SEMA3C: variants seen among roughly 807,000 people sequenced by gnomAD.
SEMA3C encodes semaphorin-3C.
A neutral mutation model predicts 89.4 loss-of-function variants in SEMA3C; 47 were observed. That is an observed-to-expected ratio of 0.53 (90% CI 0.42 to 0.67). The LOEUF (loss-of-function observed/expected upper bound fraction) is 0.67, where lower values mean the gene tolerates loss of function less well. SEMA3C is among the 30% of genes least tolerant of loss of function. The pLI is 0.00. For synonymous variants in SEMA3C, 310 were observed against 320.2 expected, an observed-to-expected ratio of 0.97 and a Z score of 0.34; for missense variants, 839 against 929.1, an observed-to-expected ratio of 0.90 and a Z score of 1.26.
At chr7:80,800,897 G>A in intron 9 of SEMA3C, 71 bp from the exon 10 acceptor site, 1 of 964,214 alleles carries the variant, frequency 1.0e-6, no homozygotes, top group Non-Finnish European at 1.5e-6. Flanking sequence ...TTTACCCTAA[G>A]AAAATAATTT....
rs1378501249 is a variant in SEMA3C, at chr7:80,744,074, G to A, written c.*820C>T. The stretch of plus-strand genomic sequence containing the variant: ...TTGTTTAATTTGCCACACAGACTAG[G>A]GAATAAGAGAACAAACAGTAATAAC... On this transcript the variant is annotated 3_prime_UTR_variant, in exon 18 of 18. Transcript: ENST00000265361. 1 of 151,844 alleles carries A rather than the reference G, an allele frequency of 6.6e-6. No individual in the cohort carries two copies. Among genetic ancestry groups the A allele is most frequent in the Non-Finnish European group, 1.5e-5 (1 of 67,930 alleles). 9.4% of individuals were successfully genotyped at this position (151,844 alleles called of 1,614,324 possible). A position where few individuals can be genotyped will look rare whatever the true frequency, so the allele number is the denominator to read the frequency against.
At position 80,817,757 on chromosome 7, in the gene SEMA3C, A is replaced by C. The variant is rs1361298391; in HGVS notation, c.447+542T>G. On this transcript the variant is annotated intron_variant, in intron 5 of 17. Coordinates refer to ENST00000265361, the MANE Select transcript of SEMA3C (RefSeq NM_006379.5). ...GTCTAAGATAAAAGTATGATTTGTT[A>C]ATTACATCAAGTTCTTTTCAGCAGA... Among the ~76,000 whole-genome samples, 5 of 152,278 alleles carry C rather than the reference A, an allele frequency of 3.3e-5. No individual in the cohort carries two copies. In the South Asian group the frequency reaches 1.0e-3, roughly 32 times the overall value.
intron 10 of SEMA3C, 47 bp downstream of exon 10, chr7:80,800,710 A>T (rs1158285813): frequency 2.7e-6 from 3 of 1,127,282 alleles, no homozygotes. Context: ...CTGTTACTCC[A>T]TGAAGTTTAT....
chr7:80,875,767 C>T (rs1009351808), intron 2 of SEMA3C, among the ~76,000 whole-genome samples: 3 of 151,318 alleles, frequency 2.0e-5, no homozygotes, highest in Non-Finnish European at 4.4e-5. Flanking sequence ...AATAATGGCC[C>T]CAAAGTGCAA....
At chr7:80,911,746 G>A (rs1792155812) in intron 2 of SEMA3C, among the ~76,000 whole-genome samples, 1 of 151,486 alleles carries the variant, frequency 6.6e-6, no homozygotes, top group East Asian at 1.9e-4. Flanking sequence ...CCATTCTCCT[G>A]CCTCAGCCTC....
chr7:80,899,871 C>A (rs916788321), intron 2 of SEMA3C, among the ~76,000 whole-genome samples: 1 of 152,274 alleles, frequency 6.6e-6, no homozygotes, highest in South Asian at 2.1e-4. Context: ...TTTTCTACTT[C>A]TATATTAATA....
At chr7:80,844,197 A>G (rs912895409) in intron 2 of SEMA3C, among the ~76,000 whole-genome samples, 7 of 152,144 alleles carry the variant, frequency 4.6e-5, no homozygotes, top group African/African-American at 1.7e-4. Context: ...TTTAATGCAC[A>G]TACGAAATAT....
rs759095113 is a variant in SEMA3C, at chr7:80,818,307, T to G, written c.439A>C (p.Arg147=). 5.6e-6 allele frequency: 9 copies of G among 1,606,500 alleles called. No homozygotes were observed. Among genetic ancestry groups the G allele is most frequent in the Non-Finnish European group, 7.7e-6 (9 of 1,174,358 alleles). ...PVCTYLNRGR[R]SEDQVFMIDS... is the part of the protein sequence containing the mutation. ...TAAATAGTTATACTTACCTCTGATCTCCTCCCTCTGTTCAAGTAAGTACAG... is the reference window on the plus strand; with the variant it reads ...TAAATAGTTATACTTACCTCTGATCGCCTCCCTCTGTTCAAGTAAGTACAG... The change falls in exon 5 of 18, where the codon AGA becomes CGA. Residue 147 remains arginine (R), a synonymous_variant. Transcript: ENST00000265361.
rs144112912 is a variant in SEMA3C, at chr7:80,752,462, T to C, written c.1644-1126A>G. 1.0e-3 allele frequency among the ~76,000 whole-genome samples: 152 copies of C among 151,926 alleles called. 2 individuals are homozygous for C. The Middle Eastern group carries it at 0.044, about 44-fold the overall frequency. Reference sequence around the variant, plus strand: ...CCGTCTCTACTAAAAATACAAAAATTAGCTGGGCATGGTGGTGCATGGTAG... The same window carrying C: ...CCGTCTCTACTAAAAATACAAAAATCAGCTGGGCATGGTGGTGCATGGTAG... On this transcript the variant is annotated intron_variant, in intron 15 of 17. Coordinates refer to ENST00000265361, the MANE Select transcript of SEMA3C (RefSeq NM_006379.5).
chr7:80,846,622 T>C (rs1790397500), intron 2 of SEMA3C, among the ~76,000 whole-genome samples: 1 of 152,154 alleles, frequency 6.6e-6, no homozygotes, highest in South Asian at 2.1e-4. Flanking sequence ...TGAGCCACCG[T>C]GCCCAGCCCC....
At chr7:80,768,823 T>A (rs937500346) in intron 12 of SEMA3C, among the ~76,000 whole-genome samples, 2 of 152,140 alleles carry the variant, frequency 1.3e-5, no homozygotes, top group African/African-American at 4.8e-5. Flanking sequence ...ACCACAGGCA[T>A]GTGTGTGCAT....
At chr7:80,802,172 G>C (rs1789224986) in intron 9 of SEMA3C, among the ~76,000 whole-genome samples, 1 of 151,968 alleles carries the variant, frequency 6.6e-6, no homozygotes, top group African/African-American at 2.4e-5. Flanking sequence ...GTCACATTGA[G>C]AATATCTAAT....
At chr7:80,870,323 C>A (rs924393655) in intron 2 of SEMA3C, among the ~76,000 whole-genome samples, 1 of 148,114 alleles carries the variant, frequency 6.8e-6, no homozygotes, top group South Asian at 2.1e-4. Context: ...ATTAACCATA[C>A]TGACTTTTTA....
intron 9 of SEMA3C, 135 bp from the exon 10 acceptor site, chr7:80,800,961 G>A: frequency 2.2e-6 from 1 of 455,816 alleles, no homozygotes; most frequent in Non-Finnish European, 3.9e-6. Flanking sequence ...ATGGTAATTT[G>A]GAAACAAATA....
At position 80,788,068 on chromosome 7, in the gene SEMA3C, CCTTAT is replaced by C. The variant is rs1346865312; in HGVS notation, c.1354+1233_1354+1237del. Among the ~76,000 whole-genome samples, 5 of 152,112 alleles carry C rather than the reference CCTTAT, an allele frequency of 3.3e-5. No homozygotes were observed. In the South Asian group the frequency reaches 6.2e-4, roughly 19 times the overall value. ...GAATAAAAAAAGGATAAAATAAAAA[CCTTAT>C]CTTAGCACACTTTGGAAATTTTATT... On this transcript the variant is annotated intron_variant, in intron 12 of 17. Coordinates refer to ENST00000265361, the MANE Select transcript of SEMA3C (RefSeq NM_006379.5).
At chr7:80,863,915 C>CAT (rs933532792) in intron 2 of SEMA3C, among the ~76,000 whole-genome samples, 2 of 117,080 alleles carry the variant, frequency 1.7e-5, no homozygotes, top group African/African-American at 4.2e-5. Context: ...ATATATATCA[C>CAT]ATATATATCA....
chr7:80,901,720 G>A (rs1043968331), intron 2 of SEMA3C, among the ~76,000 whole-genome samples: 1 of 152,152 alleles, frequency 6.6e-6, no homozygotes, highest in African/African-American at 2.4e-5. Context: ...TCATAAAATA[G>A]TTGTCTAATT....
At chr7:80,761,128 T>C (rs1788173635) in intron 14 of SEMA3C, among the ~76,000 whole-genome samples, 1 of 152,148 alleles carries the variant, frequency 6.6e-6, no homozygotes, top group Admixed American at 6.5e-5. Flanking sequence ...TTCTTTTTTT[T>C]GACATGTTTA....
At chr7:80,892,080 C>A (rs963150464) in intron 2 of SEMA3C, among the ~76,000 whole-genome samples, 1 of 151,994 alleles carries the variant, frequency 6.6e-6, no homozygotes, top group African/African-American at 2.4e-5. Flanking sequence ...TACTAATAGG[C>A]TAGTTCATTC....
Sources: gnomAD v4.1 joint callset for allele counts (sites outside exome capture counted in the v4.1 genomes callset) on GRCh38, gnomAD v4.1.1 for gene constraint, MANE v1.5 for transcripts, NCBI Gene and HGNC (gene_info 2026-07-23, HGNC 2026-07-21) for gene names.